Variants in OR52B4 observed in about 807,000 individuals in gnomAD.
OR52B4 encodes olfactory receptor 52B4.
For synonymous variants in OR52B4, 182 were observed against 142.3 expected (o/e 1.28, Z -1.98); for missense variants, 450 against 387.0 (o/e 1.16, Z -1.36).
Position 4,367,630 on chromosome 11 carries a change from C to T in OR52B4, c.666G>A (p.Leu222=), listed in dbSNP as rs144482799. ...DVVLIFISYM[L]ILHAVFHMPS... ...GCATGTGGAAGACAGCATGGAGAAT[C>T]AGCATATAGGAAATAAAAATTAGTA... Residue 222 remains leucine, a synonymous_variant, in exon 1 of 1, where the codon CTG becomes CTA. Coordinates refer to ENST00000624801, the MANE Select transcript of OR52B4 (RefSeq NM_001005161.3). 6.2e-7 allele frequency: 1 copy of T among 1,613,998 alleles called. No homozygotes were observed. The highest frequency in any genetic ancestry group is 1.3e-5 in the African/African-American group (1 of 75,004).
In OR52B4 at chr11:4,368,333, C is replaced by T; in HGVS notation, c.-38G>A. The T allele has an allele frequency of 9.1e-7, 1 of 1,103,260 alleles. No homozygotes were observed. Among genetic ancestry groups the T allele is most frequent in the Non-Finnish European group, 1.4e-6 (1 of 739,582 alleles). 68.3% of individuals were successfully genotyped at this position (1,103,260 alleles called of 1,614,324 possible). On this transcript the variant is annotated 5_prime_UTR_variant, in exon 1 of 1. The change creates a new upstream start codon in the 5' untranslated region. Coordinates refer to ENST00000624801, the MANE Select transcript of OR52B4 (RefSeq NM_001005161.3). ...CTTTCAGAACCTCACCTCCTACTCACAGAGGTAGAAGAAGATAAAATCTGC... is the reference window on the plus strand; with the variant it reads ...CTTTCAGAACCTCACCTCCTACTCATAGAGGTAGAAGAAGATAAAATCTGC...
In OR52B4 at chr11:4,367,412, C is replaced by T; in HGVS notation, c.884G>A (p.Gly295Glu). The T allele has an allele frequency of 7.4e-6, 12 of 1,613,424 alleles. No homozygotes were observed. The highest frequency in any genetic ancestry group is 1.7e-4 in the Middle Eastern group (1 of 6,060). ...TTCCTGGATTTGCTTGGTTTTGATC[C>T]CATAAATAATGGGATTCAGCATAGG... is the stretch of plus-strand genomic sequence containing the variant. ...APPMLNPIIYGIKTKQIQEQV... is the reference protein window; with the variant it reads ...APPMLNPIIYEIKTKQIQEQV... The change falls in exon 1 of 1, where the codon GGG becomes GAG. Residue 295 changes from glycine (G) to glutamate (E), a missense_variant. Gly to Glu is a moderately conservative substitution (Grantham distance 98, BLOSUM62 -2). Transcript: ENST00000624801.
chr11:4,368,103 G>A lies in OR52B4; in HGVS notation c.193C>T (p.Leu65Phe), dbSNP rs1226035495. 1.9e-6 allele frequency: 3 copies of A among 1,613,998 alleles called. No homozygotes were observed. Among genetic ancestry groups the A allele is most frequent in the Non-Finnish European group, 2.5e-6 (3 of 1,179,974 alleles). The change falls in exon 1 of 1, where the codon CTC becomes TTC. Residue 65 changes from leucine (L) to phenylalanine (F), a missense_variant. Transcript: ENST00000624801. Reference protein sequence around the residue: ...RSLHEPMYLFLCMLAGADIVL... With the variant: ...RSLHEPMYLFFCMLAGADIVL... ...ATGTCTGCTCCAGCCAGCATGCAGA[G>A]GAAGAGGTACATGGGTTCATGGAGG...
chr11:4,367,654 TACA>T lies in OR52B4; in HGVS notation c.639_641del (p.Val214del), dbSNP rs776552454. 1 of 1,613,960 alleles carries T rather than the reference TACA, an allele frequency of 6.2e-7. No individual in the cohort carries two copies. The highest frequency in any genetic ancestry group is 2.2e-5 in the East Asian group (1 of 44,858). On this transcript the variant is annotated inframe_deletion, in exon 1 of 1. Coordinates refer to ENST00000624801, the MANE Select transcript of OR52B4 (RefSeq NM_001005161.3). ...TCAGCATATAGGAAATAAAAATTAG[TACA>T]ACATCTAAGACCACCGTCGACATTA...
Position 4,367,268 on chromosome 11 carries a change from T to A in OR52B4, c.*83A>T. On this transcript the variant is annotated 3_prime_UTR_variant, in exon 1 of 1. Transcript: ENST00000624801. The stretch of plus-strand genomic sequence containing the variant: ...ACTCACTGAGTTATTTCCTACGGTA[T>A]CAGCTGACCTCTCCCATCTACCACT... 2 of 783,480 alleles carry A rather than the reference T, an allele frequency of 2.6e-6. No homozygotes were observed. The highest frequency in any genetic ancestry group is 4.1e-6 in the Non-Finnish European group (2 of 485,338). 48.5% of individuals were successfully genotyped at this position (783,480 alleles called of 1,614,324 possible).
At position 4,367,524 on chromosome 11, in the gene OR52B4, T is replaced by C. The variant is rs764108753; in HGVS notation, c.772A>G (p.Ile258Val). The C allele has an allele frequency of 6.8e-6, 11 of 1,614,064 alleles. No homozygotes were observed. The highest frequency in any genetic ancestry group is 1.1e-5 in the South Asian group (1 of 91,078). ...AACCTCTGGGTAAGGATTGTGAAGA[T>C]GCCAGACCCATAAAAGAGGATGATG... Reference protein sequence around the residue: ...CIIILFYGSGIFTILTQRFGR... With the variant: ...CIIILFYGSGVFTILTQRFGR... The change falls in exon 1 of 1, where the codon ATC becomes GTC. Residue 258 changes from isoleucine to valine, a missense_variant. Coordinates refer to ENST00000624801, the MANE Select transcript of OR52B4 (RefSeq NM_001005161.3).
In OR52B4 at chr11:4,367,832, T is replaced by G; in HGVS notation, c.464A>C (p.Tyr155Ser). The G allele has an allele frequency of 1.9e-6, 3 of 1,613,838 alleles. No individual in the cohort carries two copies. In the South Asian group the frequency reaches 3.3e-5, roughly 18 times the overall value. ...AAATATGATAGGGAAAATTGTACCATAACTTCTCAGAGAGACAGTCACACA... is the reference window on the plus strand; with the variant it reads ...AAATATGATAGGGAAAATTGTACCAGAACTTCTCAGAGAGACAGTCACACA... Reference protein sequence around the residue: ...KICVTVSLRSYGTIFPIIFLL... With the variant: ...KICVTVSLRSSGTIFPIIFLL... Residue 155 changes from tyrosine (Y) to serine (S), a missense_variant, in exon 1 of 1, where the codon TAT becomes TCT. By Grantham distance (144) the Tyr-to-Ser change is moderately radical. Transcript: ENST00000624801.
Position 4,368,276 on chromosome 11 carries a change from C to T in OR52B4, c.20G>A (p.Ser7Asn), listed in dbSNP as rs571315992. The T allele has an allele frequency of 1.2e-6, 2 of 1,610,046 alleles. No homozygotes were observed. The highest frequency in any genetic ancestry group is 1.7e-6 in the Non-Finnish European group (2 of 1,177,184). MPTVNHSGTSHTVFHLL... is the reference protein window; with the variant it reads MPTVNHNGTSHTVFHLL... ...GTGGAAGACTGTGTGGCTAGTGCCA[C>T]TGTGGTTTACAGTAGGCATAGCTGG... Residue 7 changes from serine to asparagine, a missense_variant, in exon 1 of 1, where the codon AGT (serine) becomes AAT (asparagine). By Grantham distance (46) the Ser-to-Asn change is conservative. Coordinates refer to ENST00000624801, the MANE Select transcript of OR52B4 (RefSeq NM_001005161.3).
chr11:4,367,267 A>G lies in OR52B4; in HGVS notation c.*84T>C, dbSNP rs1275652368. 6.4e-6 allele frequency: 5 copies of G among 775,368 alleles called. No homozygotes were observed. The African/African-American group carries it at 8.7e-5, about 14-fold the overall frequency. 48.0% of individuals were successfully genotyped at this position (775,368 alleles called of 1,614,324 possible). A position where few individuals can be genotyped will look rare whatever the true frequency, so the allele number is the denominator to read the frequency against. On this transcript the variant is annotated 3_prime_UTR_variant, in exon 1 of 1. Transcript: ENST00000624801. ...TACTCACTGAGTTATTTCCTACGGT[A>G]TCAGCTGACCTCTCCCATCTACCAC...
Position 4,367,672 on chromosome 11 carries a change from C to A in OR52B4, c.624G>T (p.Thr208=), listed in dbSNP as rs761882574. ...AAATTAGTACAACATCTAAGACCAC[C>A]GTCGACATTAGAATGGAAAACCCAT... ...IWYGFSILMS[T]VVLDVVLIFI... is the part of the protein sequence containing the mutation. The change falls in exon 1 of 1, where the codon ACG becomes ACT. Residue 208 remains threonine, a synonymous_variant. Coordinates refer to ENST00000624801, the MANE Select transcript of OR52B4 (RefSeq NM_001005161.3). The A allele has an allele frequency of 3.7e-6, 6 of 1,613,760 alleles. No homozygotes were observed. The highest frequency in any genetic ancestry group is 2.7e-5 in the African/African-American group (2 of 74,894).
rs1181259154 is a variant in OR52B4, at chr11:4,367,436, G to C, written c.860C>G (p.Pro287Arg). 2 of 1,613,772 alleles carry C rather than the reference G, an allele frequency of 1.2e-6. No individual in the cohort carries two copies. The highest frequency in any genetic ancestry group is 1.7e-6 in the Non-Finnish European group (2 of 1,179,848). Residue 287 changes from proline (P) to arginine (R), a missense_variant, in exon 1 of 1, where the codon CCT becomes CGT. Physicochemically the swap from Pro to Arg is moderately radical, Grantham distance 103. Transcript: ENST00000624801. ...PLANVCILAP[P>R]MLNPIIYGIK... ...CCCATAAATAATGGGATTCAGCATA[G>C]GTGGAGCCAGAATGCAGACATTAGC... is the stretch of plus-strand genomic sequence containing the variant.
Position 4,367,525 on chromosome 11 carries a change from G to T in OR52B4, c.771C>A (p.Gly257=), listed in dbSNP as rs1391429602. Residue 257 remains glycine (G), a synonymous_variant, in exon 1 of 1, where the codon GGC becomes GGA. Coordinates refer to ENST00000624801, the MANE Select transcript of OR52B4 (RefSeq NM_001005161.3). ...ACCTCTGGGTAAGGATTGTGAAGAT[G>T]CCAGACCCATAAAAGAGGATGATGA... is the stretch of plus-strand genomic sequence containing the variant. ...VCIIILFYGS[G]IFTILTQRFG... The T allele has an allele frequency of 3.1e-6, 5 of 1,613,894 alleles. No homozygotes were observed. Among genetic ancestry groups the T allele is most frequent in the African/African-American group, 1.3e-5 (1 of 74,892 alleles).
In OR52B4 at chr11:4,368,165, T is replaced by C. The variant is rs767833293; in HGVS notation, c.131A>G (p.Asn44Ser). ...FISYVTALLG[N>S]SLLIFIILTK... is the part of the protein sequence containing the mutation. ...GAGGATAATGAAGATGAGCAGGCTG[T>C]TCCCAAGAAGGGCGGTGACATAGGA... Residue 44 changes from asparagine to serine, a missense_variant, in exon 1 of 1, where the codon AAC (asparagine) becomes AGC (serine). By Grantham distance (46) the Asn-to-Ser change is conservative. Transcript: ENST00000624801. 5.0e-6 allele frequency: 8 copies of C among 1,596,810 alleles called. No homozygotes were observed. Among genetic ancestry groups the C allele is most frequent in the Non-Finnish European group, 3.4e-6 (4 of 1,171,700 alleles).
At position 4,367,309 on chromosome 11, in the gene OR52B4, C is replaced by G. The variant is rs758966240; in HGVS notation, c.*42G>C. On this transcript the variant is annotated 3_prime_UTR_variant, in exon 1 of 1. Coordinates refer to ENST00000624801, the MANE Select transcript of OR52B4 (RefSeq NM_001005161.3). ...ATCTACCACTTTCATACCCACTTAC[C>G]AGATAGCTAGAGATTCTGAAAACTC... The G allele has an allele frequency of 2.3e-6, 3 of 1,304,454 alleles. No individual in the cohort carries two copies. Among genetic ancestry groups the G allele is most frequent in the African/African-American group, 1.5e-5 (1 of 68,308 alleles). 80.8% of individuals were successfully genotyped at this position (1,304,454 alleles called of 1,614,324 possible).
chr11:4,367,670 A>T lies in OR52B4; in HGVS notation c.626T>A (p.Val209Glu). The T allele has an allele frequency of 6.2e-7, 1 of 1,613,888 alleles. No individual in the cohort carries two copies. Among genetic ancestry groups the T allele is most frequent in the Non-Finnish European group, 8.5e-7 (1 of 1,179,888 alleles). ...AAAAATTAGTACAACATCTAAGACCACCGTCGACATTAGAATGGAAAACCC... is the reference window on the plus strand; with the variant it reads ...AAAAATTAGTACAACATCTAAGACCTCCGTCGACATTAGAATGGAAAACCC... ...WYGFSILMST[V>E]VLDVVLIFIS... The change falls in exon 1 of 1, where the codon GTG (valine) becomes GAG (glutamate). Residue 209 changes from valine (V) to glutamate (E), a missense_variant. Physicochemically the swap from Val to Glu is moderately radical, Grantham distance 121. Transcript: ENST00000624801.
chr11:4,367,342 A>T lies in OR52B4; in HGVS notation c.*9T>A, dbSNP rs750727991. 67 of 1,578,872 alleles carry T rather than the reference A, an allele frequency of 4.2e-5. 1 individual carries two copies. The South Asian group carries it at 6.3e-4, about 15-fold the overall frequency. ...TAGAGATTCTGAAAACTCAGTTCTT[A>T]AACCAAAGTTATTTCTGTTTTATAA... On this transcript the variant is annotated 3_prime_UTR_variant, in exon 1 of 1. Transcript: ENST00000624801.
In OR52B4 at chr11:4,367,853, A is replaced by C. The variant is rs755317550; in HGVS notation, c.443T>G (p.Val148Gly). 5.6e-6 allele frequency: 9 copies of C among 1,613,910 alleles called. No homozygotes were observed. The African/African-American group carries it at 1.2e-4, about 22-fold the overall frequency. ...ACCATAACTTCTCAGAGAGACAGTCACACAAATTTTCTTGATCAGAGCATT... is the reference window on the plus strand; with the variant it reads ...ACCATAACTTCTCAGAGAGACAGTCCCACAAATTTTCTTGATCAGAGCATT... ...LTNALIKKIC[V>G]TVSLRSYGTI... Residue 148 changes from valine (V) to glycine (G), a missense_variant, in exon 1 of 1, where the codon GTG becomes GGG. By Grantham distance (109) the Val-to-Gly change is moderately radical. Coordinates refer to ENST00000624801, the MANE Select transcript of OR52B4 (RefSeq NM_001005161.3).
Position 4,367,305 on chromosome 11 carries a change from T to G in OR52B4, c.*46A>C. On this transcript the variant is annotated 3_prime_UTR_variant, in exon 1 of 1. Transcript: ENST00000624801. ...TCCCATCTACCACTTTCATACCCAC[T>G]TACCAGATAGCTAGAGATTCTGAAA... is the stretch of plus-strand genomic sequence containing the variant. The G allele has an allele frequency of 7.8e-7, 1 of 1,275,382 alleles. No individual in the cohort carries two copies. Among genetic ancestry groups the G allele is most frequent in the Non-Finnish European group, 1.1e-6 (1 of 897,880 alleles). The allele number at this position is 1,275,382 out of a possible 1,614,324, so 79.0% of individuals were successfully genotyped here. A position where few individuals can be genotyped will look rare whatever the true frequency, so the allele number is the denominator to read the frequency against.
In OR52B4 at chr11:4,367,665, AG is replaced by A; in HGVS notation, c.630del (p.Leu211Ter). The A allele has an allele frequency of 6.2e-7, 1 of 1,613,986 alleles. No homozygotes were observed. The highest frequency in any genetic ancestry group is 8.5e-7 in the Non-Finnish European group (1 of 1,179,922). On this transcript the variant is annotated frameshift_variant, in exon 1 of 1. Transcript: ENST00000624801. LOFTEE classifies it low-confidence loss of function (END_TRUNC). ...YGFSILMSTV[V>X]LDVVLIFISY... ...GAAATAAAAATTAGTACAACATCTAAGACCACCGTCGACATTAGAATGGAAA... is the reference window on the plus strand; with the variant it reads ...GAAATAAAAATTAGTACAACATCTAAACCACCGTCGACATTAGAATGGAAA...
Sources: allele counts gnomAD v4.1 joint callset, GRCh38; gene constraint gnomAD v4.1.1; transcripts MANE v1.5; gene names NCBI Gene and HGNC (gene_info 2026-07-23, HGNC 2026-07-21).